Variants in USH2A observed in about 807,000 individuals in gnomAD.
USH2A encodes the protein Usher syndrome 2A (autosomal recessive, mild).
In USH2A, 443 loss-of-function variants were observed where a neutral mutation model predicts 538.9. The ratio of observed to expected loss-of-function variants is 0.82; its 90% CI spans 0.76 to 0.89. The LOEUF (loss-of-function observed/expected upper bound fraction) is 0.89, where lower values mean the gene tolerates loss of function less well. Ranked by LOEUF, USH2A falls within the 40% of genes least tolerant of loss-of-function variation. USH2A has a pLI of 0.00. For missense variants in USH2A, 6,633 were observed against 6,324.8 expected (o/e 1.05, Z -1.65); for synonymous variants, 2,413 against 2,273.5 (o/e 1.06, Z -1.75).
At chr1:216,379,481 C>G (rs1308448581) in intron 3 of USH2A, among the ~76,000 whole-genome samples, 1 of 151,394 alleles carries the variant, frequency 6.6e-6, no homozygotes, top group African/African-American at 2.4e-5. Context: ...AACCAGTTAA[C>G]AAATTGTAAG....
chr1:215,664,380 C>T (rs1657539890), intron 64 of USH2A, among the ~76,000 whole-genome samples: 1 of 151,972 alleles, frequency 6.6e-6, no homozygotes, highest in Non-Finnish European at 1.5e-5. Flanking sequence ...GATGAATAAC[C>T]ATATATCCAT....
chr1:215,902,321 A>G (rs1041218270), intron 38 of USH2A, among the ~76,000 whole-genome samples: 3 of 152,206 alleles, frequency 2.0e-5, no homozygotes, highest in Non-Finnish European at 4.4e-5. Flanking sequence ...ATGAATGACC[A>G]GTGATGAGAA....
intron 3 of USH2A, among the ~76,000 whole-genome samples, chr1:216,390,004 T>G (rs1558067189): frequency 1.1e-5 from 1 of 92,460 alleles, no homozygotes; most frequent in African/African-American, 2.8e-5. Context: ...AAAAACTGAC[T>G]GTCAGTTTTA....
chr1:216,304,460 CT>C (rs945183854), intron 9 of USH2A, among the ~76,000 whole-genome samples: 59 of 151,094 alleles, frequency 3.9e-4, no homozygotes, highest in African/African-American at 9.9e-4. Context: ...GCACTAATTT[CT>C]TTTTTTTTCA....
At chr1:216,354,389 G>A (rs368283384) in intron 4 of USH2A, among the ~76,000 whole-genome samples, 1 of 152,180 alleles carries the variant, frequency 6.6e-6, no homozygotes, top group African/African-American at 2.4e-5. Flanking sequence ...AGAGAGGAAA[G>A]AGTCAATAGA....
chr1:216,207,971 C>T (rs1171786023), intron 15 of USH2A, among the ~76,000 whole-genome samples: 10 of 150,288 alleles, frequency 6.7e-5, no homozygotes, highest in South Asian at 4.1e-4. Context: ...TATCAAGAAA[C>T]GATTTGAATA....
intron 61 of USH2A, among the ~76,000 whole-genome samples, chr1:215,709,724 A>G (rs1659285227): frequency 1.3e-5 from 2 of 152,084 alleles, no homozygotes; most frequent in African/African-American, 2.4e-5. Flanking sequence ...ATTGGTAAAA[A>G]TGATACCTAT....
intron 44 of USH2A, among the ~76,000 whole-genome samples, chr1:215,855,897 C>T (rs973279474): frequency 6.6e-6 from 1 of 152,256 alleles, no homozygotes; most frequent in Middle Eastern, 3.4e-3. Context: ...TTACAGCCAA[C>T]TGATCTTTGA....
At position 216,216,507 on chromosome 1, in the gene USH2A, G is replaced by A. The variant is rs145894307; in HGVS notation, c.3157+880C>T. On this transcript the variant is annotated intron_variant, in intron 15 of 71. Coordinates refer to ENST00000307340, the MANE Select transcript of USH2A (RefSeq NM_206933.4). ...GTGATGATCTGTCATGACTTGTGGC[G>A]TTTCCTATCATTGTGACTCATGACA... 1.6e-3 allele frequency among the ~76,000 whole-genome samples: 240 copies of A among 151,990 alleles called. 4 individuals are homozygous for A. In the East Asian group the frequency reaches 0.039, roughly 25 times the overall value.
intron 11 of USH2A, among the ~76,000 whole-genome samples, chr1:216,257,998 C>T (rs1168644665): frequency 1.3e-5 from 2 of 151,286 alleles, no homozygotes; most frequent in African/African-American, 4.9e-5. Flanking sequence ...ATAATTCTAA[C>T]ATTTCTCACA....
At chr1:216,033,772 G>A (rs376297763) in intron 32 of USH2A, among the ~76,000 whole-genome samples, 51 of 152,218 alleles carry the variant, frequency 3.4e-4, no homozygotes, top group African/African-American at 1.2e-3. Flanking sequence ...AGAGGTCGAG[G>A]CTGCAGTGAG....
Position 215,939,473 on chromosome 1 carries a change from A to G in USH2A, c.7121-4678T>C, listed in dbSNP as rs181995395. On this transcript the variant is annotated intron_variant, in intron 37 of 71. Transcript: ENST00000307340. ...TAAAAAAACCTTTTCTTTAGTCTCAAATATAAAGTCTTAACTGAAATGTTA... is the reference window on the plus strand; with the variant it reads ...TAAAAAAACCTTTTCTTTAGTCTCAGATATAAAGTCTTAACTGAAATGTTA... Among the ~76,000 whole-genome samples, 325 of 152,306 alleles carry G rather than the reference A, an allele frequency of 2.1e-3. 1 individual carries two copies. The highest frequency in any genetic ancestry group is 7.6e-3 in the African/African-American group (315 of 41,588).
chr1:215,906,922 T>C (rs1024092962), intron 38 of USH2A, among the ~76,000 whole-genome samples: 1 of 151,892 alleles, frequency 6.6e-6, no homozygotes, highest in African/African-American at 2.4e-5. Context: ...GGCAGAAAAC[T>C]TAAAAGTCAC....
At chr1:215,778,352 T>G (rs1387091403) in intron 55 of USH2A, among the ~76,000 whole-genome samples, 1 of 152,146 alleles carries the variant, frequency 6.6e-6, no homozygotes, top group Non-Finnish European at 1.5e-5. Context: ...GCACCCAGCC[T>G]CAACACTATC....
intron 41 of USH2A, among the ~76,000 whole-genome samples, chr1:215,881,102 A>T (rs998059165): frequency 6.6e-6 from 1 of 152,098 alleles, no homozygotes; most frequent in Non-Finnish European, 1.5e-5. Flanking sequence ...GTGAAACTCC[A>T]TCTCAATCAA....
At chr1:216,234,068 T>C (rs1021921355) in intron 13 of USH2A, among the ~76,000 whole-genome samples, 7 of 152,162 alleles carry the variant, frequency 4.6e-5, no homozygotes, top group African/African-American at 1.7e-4. Context: ...AAAATAGCAA[T>C]GATATTGAAA....
intron 71 of USH2A, 104 bp downstream of exon 71, chr1:215,628,710 G>A (rs1656148233): frequency 8.3e-7 from 1 of 1,204,666 alleles, no homozygotes; most frequent in African/African-American, 1.5e-5. Context: ...TAAGTGCTCA[G>A]AGGCGAGTGC....
chr1:216,411,167 C>A (rs892492357), intron 3 of USH2A, among the ~76,000 whole-genome samples: 1 of 152,096 alleles, frequency 6.6e-6, no homozygotes, highest in Non-Finnish European at 1.5e-5. Context: ...CACACCATGT[C>A]CCACTTTGCC....
chr1:215,807,426 T>A (rs1182488396), intron 49 of USH2A, among the ~76,000 whole-genome samples: 1 of 152,164 alleles, frequency 6.6e-6, no homozygotes, highest in Middle Eastern at 3.2e-3. Flanking sequence ...ATGTGAATGA[T>A]CATCTGTCAC....
Sources: allele counts gnomAD v4.1 joint callset (sites outside exome capture counted in the v4.1 genomes callset), GRCh38; gene constraint gnomAD v4.1.1; transcripts MANE v1.5; gene names NCBI Gene and HGNC (gene_info 2026-07-23, HGNC 2026-07-21).